Variants in TTN observed in about 807,000 individuals in gnomAD.
TTN encodes the protein titin, also known as connectin.
TTN carries 1,525 observed loss-of-function variants against 3,223.0 expected under a neutral mutation model. That is an observed-to-expected ratio of 0.47 (90% CI 0.45 to 0.49). TTN has a LOEUF of 0.49. Ranked by LOEUF, TTN falls within the 20% of genes least tolerant of loss-of-function variation. The pLI, the probability that TTN is intolerant of heterozygous loss-of-function variation, is 0.00. For synonymous variants in TTN, 14,094 were observed against 15,161.0 expected (o/e 0.93, Z 5.17); for missense variants, 40,786 against 43,424.0 (o/e 0.94, Z 5.40).
chr2:178,592,797 T>C lies in TTN; in HGVS notation c.59322A>G (p.Pro19774=), dbSNP rs188063446. ...GESDPAHVPE[P]VLVKDRLEPP... is the part of the protein sequence containing the mutation. ...CACCAAGCCTGTCTTTTACTAGGAC[T>C]GGCTCCGGAACATGAGCTGGATCTG... The change falls in exon 300 of 363, where the codon CCA becomes CCG. Residue 19774 remains proline (P), a synonymous_variant. Transcript: ENST00000589042. The C allele has an allele frequency of 8.5e-4, 1,369 of 1,613,516 alleles. No individual in the cohort carries two copies. Among genetic ancestry groups the C allele is most frequent in the Non-Finnish European group, 1.1e-3 (1,239 of 1,179,618 alleles).
At chr2:178,703,478 A>G (rs2075341337) in intron 106 of TTN, among the ~76,000 whole-genome samples, 1 of 152,224 alleles carries the variant, frequency 6.6e-6, no homozygotes, top group Non-Finnish European at 1.5e-5. Flanking sequence ...AATGTCATAT[A>G]TTTGTGTTTC....
At chr2:178,667,039 C>G (rs1303898538) in intron 162 of TTN, 138 bp from the exon 163 acceptor site, 1 of 923,740 alleles carries the variant, frequency 1.1e-6, no homozygotes, top group Non-Finnish European at 1.6e-6. Context: ...AATATTTTAT[C>G]TTTGTATATT....
chr2:178,776,228 T>C lies in TTN; in HGVS notation c.5636A>G (p.Gln1879Arg), dbSNP rs1237628152. 3 of 1,614,086 alleles carry C rather than the reference T, an allele frequency of 1.9e-6. No individual in the cohort carries two copies. The highest frequency in any genetic ancestry group is 2.7e-5 in the African/African-American group (2 of 74,934). ...GAACCTTTTGCTTTTGCGGATGAGCTGTCCATTGAGGTACCAGTTGACTTT... is the reference window on the plus strand; with the variant it reads ...GAACCTTTTGCTTTTGCGGATGAGCCGTCCATTGAGGTACCAGTTGACTTT... ...QPKVNWYLNG[Q>R]LIRKSKRFRV... Residue 1879 changes from glutamine (Q) to arginine (R), a missense_variant, in exon 28 of 363, where the codon CAG (glutamine) becomes CGG (arginine). Physicochemically the swap from Gln to Arg is conservative, Grantham distance 43. Transcript: ENST00000589042.
chr2:178,752,106 T>G (rs2085717212), intron 47 of TTN: 1 of 1,430,374 alleles, frequency 7.0e-7, no homozygotes, highest in Non-Finnish European at 9.6e-7. Flanking sequence ...GTAAATAAAA[T>G]TGCAAAATAG....
Position 178,741,056 on chromosome 2 carries a change from A to T in TTN, c.12177T>A (p.Gly4059=), listed in dbSNP as rs761760491. The T allele has an allele frequency of 6.8e-6, 11 of 1,613,658 alleles. No homozygotes were observed. Among genetic ancestry groups the T allele is most frequent in the Non-Finnish European group, 1.7e-6 (2 of 1,179,820 alleles). ...CTGAGTCAAGTGCTTCAACTGCGGG[A>T]CCCTTTAAGGGTGTCTGTGGAAAAT... ...PEDFPQTPLK[G]PAVEALDSEQ... The change falls in exon 48 of 363, where the codon GGT becomes GGA. Residue 4059 remains glycine, a synonymous_variant. Transcript: ENST00000589042.
At position 178,776,152 on chromosome 2, in the gene TTN, T is replaced by G. The variant is rs1011696809; in HGVS notation, c.5712A>C (p.Ser1904=). ...TGACCTTCACTTCACCTGTGTCATA[T>G]GATTTGCAGTCCACGATGTCCAGGT... The part of the protein sequence containing the change: ...IHYLDIVDCK[S]YDTGEVKVTA... Residue 1904 remains serine, a synonymous_variant, in exon 28 of 363, where the codon TCA becomes TCC. Transcript: ENST00000589042. The G allele has an allele frequency of 2.5e-6, 4 of 1,614,056 alleles. No homozygotes were observed. The African/African-American group carries it at 5.3e-5, about 22-fold the overall frequency.
intron 48 of TTN, among the ~76,000 whole-genome samples, chr2:178,738,662 T>G (rs1013027785): frequency 4.6e-5 from 7 of 152,098 alleles, no homozygotes; most frequent in Non-Finnish European, 7.4e-5. Flanking sequence ...CCATGCTGAA[T>G]GGGAACACTG....
intron 1 of TTN, among the ~76,000 whole-genome samples, chr2:178,805,671 A>C (rs1239949376): frequency 3.3e-5 from 5 of 152,220 alleles, no homozygotes; most frequent in African/African-American, 9.6e-5. Flanking sequence ...TGAAGTAAAT[A>C]TTCAGAAAAA....
At position 178,681,069 on chromosome 2, in the gene TTN, A is replaced by G. The variant is rs72650039; in HGVS notation, c.33340+10T>C. The G allele has an allele frequency of 1.4e-3, 2,278 of 1,585,356 alleles. 25 individuals are homozygous for G. In the African/African-American group the frequency reaches 0.026, roughly 18 times the overall value. On this transcript the variant is annotated intron_variant, in intron 138 of 362. Transcript: ENST00000589042. ...GAAAAGATCACAATCGAGGAAGGAA[A>G]TCATTATACCTTTAGCAGCGGGTTC...
In TTN at chr2:178,566,976, G is replaced by A. The variant is rs1706115983; in HGVS notation, c.79156C>T (p.Leu26386Phe). Residue 26386 changes from leucine to phenylalanine, a missense_variant, in exon 326 of 363, where the codon CTT (leucine) becomes TTT (phenylalanine). Physicochemically the swap from Leu to Phe is conservative, Grantham distance 22. Coordinates refer to ENST00000589042, the MANE Select transcript of TTN (RefSeq NM_001267550.2). ...TCCAAGCTTTTTGGTGGTCCAGGAA[G>A]CACAAATGGATTTTTCATTAGTACT... The part of the protein sequence containing the change: ...APVLMKNPFV[L>F]PGPPKSLEVT... 6.2e-7 allele frequency: 1 copy of A among 1,613,546 alleles called. No individual in the cohort carries two copies. Among genetic ancestry groups the A allele is most frequent in the Non-Finnish European group, 8.5e-7 (1 of 1,179,646 alleles).
intron 111 of TTN, 44 bp from the exon 112 acceptor site, chr2:178,698,958 T>C (rs1012858391): frequency 6.8e-7 from 1 of 1,468,140 alleles, no homozygotes; most frequent in Non-Finnish European, 9.0e-7. Flanking sequence ...ATATTTCTGG[T>C]GTAAGTAACT....
chr2:178,591,059 G>A lies in TTN; in HGVS notation c.60666C>T (p.Val20222=), dbSNP rs1576097762. Residue 20222 remains valine, a synonymous_variant, in exon 304 of 363, where the codon GTC becomes GTT. Coordinates refer to ENST00000589042, the MANE Select transcript of TTN (RefSeq NM_001267550.2). ...GCTTTGTCTTACTGCTTCCGGAAGA[G>A]ACAACACCCCACGTGTCTTTCCTTG... ...QDTRKDTWGV[V]SSGSSKTKLK... is the part of the protein sequence containing the mutation. The A allele has an allele frequency of 6.2e-7, 1 of 1,613,344 alleles. No individual in the cohort carries two copies. Among genetic ancestry groups the A allele is most frequent in the Non-Finnish European group, 8.5e-7 (1 of 1,179,544 alleles).
chr2:178,783,003 C>T lies in TTN; in HGVS notation c.2903G>A (p.Gly968Glu). ...ESVTLECHIS[G>E]YPSPTVTWYR... Reference sequence around the variant, plus strand: ...CCATGTCACTGTCGGGGATGGGTATCCAGAGATGTGGCACTCCAAGGTGAC... The same window carrying T: ...CCATGTCACTGTCGGGGATGGGTATTCAGAGATGTGGCACTCCAAGGTGAC... Residue 968 changes from glycine to glutamate, a missense_variant, in exon 18 of 363, where the codon GGA becomes GAA. Gly to Glu is a moderately conservative substitution (Grantham distance 98). Transcript: ENST00000589042. The T allele has an allele frequency of 6.2e-7, 1 of 1,614,068 alleles. No individual in the cohort carries two copies. Among genetic ancestry groups the T allele is most frequent in the South Asian group, 1.1e-5 (1 of 91,072 alleles).
In TTN at chr2:178,573,731, T is replaced by G; in HGVS notation, c.72401A>C (p.Glu24134Ala). 1 of 1,558,060 alleles carries G rather than the reference T, an allele frequency of 6.4e-7. No homozygotes were observed. The highest frequency in any genetic ancestry group is 1.2e-5 in the South Asian group (1 of 80,632). Residue 24134 changes from glutamate to alanine, a missense_variant, in exon 326 of 363, where the codon GAA (glutamate) becomes GCA (alanine). Physicochemically the swap from Glu to Ala is moderately radical, Grantham distance 107. Transcript: ENST00000589042. ...TAGTACACACTTTTCTGATGTCACT[T>G]CAGTTACAGCCAAAGGTCCTTCAGG... Reference protein sequence around the residue: ...GPPEGPLAVTEVTSEKCVLSW... With the variant: ...GPPEGPLAVTAVTSEKCVLSW...
rs752458663 is a variant in TTN at position 178,531,032 on chromosome 2, C to T, written c.105583G>A (p.Asp35195Asn). 21 of 1,613,788 alleles carry T rather than the reference C, an allele frequency of 1.3e-5. No individual in the cohort carries two copies. The highest frequency in any genetic ancestry group is 3.3e-4 in the Middle Eastern group (2 of 6,084). Residue 35195 changes from aspartate to asparagine, a missense_variant, in exon 358 of 363, where the codon GAT becomes AAT. Coordinates refer to ENST00000589042, the MANE Select transcript of TTN (RefSeq NM_001267550.2). Reference protein sequence around the residue: ...TFEISSVQASDEGNYSVVVEN... With the variant: ...TFEISSVQASNEGNYSVVVEN... The stretch of plus-strand genomic sequence containing the variant: ...ACCACCACGCTGTAATTGCCCTCAT[C>T]GGAAGCCTGGACTGAAGAGATCTCA...
chr2:178,750,139 G>A (rs1003708208), intron 47 of TTN: 4 of 1,612,968 alleles, frequency 2.5e-6, no homozygotes, highest in Non-Finnish European at 3.4e-6. Flanking sequence ...GAACTGGTGG[G>A]TTAGTTTTTA....
intron 216 of TTN, 73 bp from the exon 217 acceptor site, chr2:178,646,103 A>AT (rs1387119787): frequency 3.9e-4 from 15 of 38,202 alleles, no homozygotes; most frequent in Non-Finnish European, 6.3e-4. Flanking sequence ...TTTAATAGAA[A>AT]TTATATATAT....
chr2:178,547,367 A>C, intron 339 of TTN, 40 bp downstream of exon 339: 1 of 1,574,830 alleles, frequency 6.3e-7, no homozygotes. Flanking sequence ...GGAAACATTT[A>C]ATAATAGAGA....
At position 178,782,543 on chromosome 2, in the gene TTN, T is replaced by C; in HGVS notation, c.3160A>G (p.Lys1054Glu). ...AVTEKFTTEEKRFVESRDVVM... is the reference protein window; with the variant it reads ...AVTEKFTTEEERFVESRDVVM... The stretch of plus-strand genomic sequence containing the variant: ...CTAATTAGCAAAATATTTTACCGTT[T>C]CTCTTCTGTAGTAAATTTCTCAGTC... Residue 1054 changes from lysine to glutamate, a missense_variant, in exon 19 of 363, where the codon AAA (lysine) becomes GAA (glutamate). Coordinates refer to ENST00000589042, the MANE Select transcript of TTN (RefSeq NM_001267550.2). 2 of 1,613,996 alleles carry C rather than the reference T, an allele frequency of 1.2e-6. No individual in the cohort carries two copies. The highest frequency in any genetic ancestry group is 1.7e-6 in the Non-Finnish European group (2 of 1,179,950).
Sources: gnomAD v4.1 joint callset for allele counts (sites outside exome capture counted in the v4.1 genomes callset) on GRCh38, gnomAD v4.1.1 for gene constraint, MANE v1.5 for transcripts, NCBI Gene and HGNC (gene_info 2026-07-23, HGNC 2026-07-21) for gene names.